The following FANCI variants were observed in gnomAD, a reference collection of about 807,000 sequenced individuals.
The protein encoded by FANCI is FA complementation group I.
Under a neutral mutation model 176.1 loss-of-function variants are expected in FANCI, and 156 were observed. That is an observed-to-expected ratio of 0.89 (90% CI 0.78 to 1.01). FANCI has a LOEUF of 1.01. Ranked by LOEUF, FANCI falls within the 50% of genes least tolerant of loss-of-function variation. The pLI is 0.00. For synonymous variants in FANCI, 613 were observed against 541.7 expected (o/e 1.13, Z -1.83); for missense variants, 1,678 against 1,534.1 (o/e 1.09, Z -1.57).
At chr15:89,256,701 C>A (rs1029694407) in intron 2 of FANCI, among the ~76,000 whole-genome samples, 1 of 152,082 alleles carries the variant, frequency 6.6e-6, no homozygotes, top group Non-Finnish European at 1.5e-5. Flanking sequence ...TTGGCACTTC[C>A]ACTTGGATAT....
At position 89,280,665 on chromosome 15, in the gene FANCI, G is replaced by A. The variant is rs182875734; in HGVS notation, c.1382-505G>A. On this transcript the variant is annotated intron_variant, in intron 14 of 37. Transcript: ENST00000310775. ...ATTTAAACTCTCCCTTTACCATTTG[G>A]TAGGCAATAAACTATGTTTGGAATT... Among the ~76,000 whole-genome samples the A allele has an allele frequency of 2.6e-3, 398 of 151,922 alleles. 1 individual carries two copies. Among genetic ancestry groups the A allele is most frequent in the Middle Eastern group, 6.8e-3 (2 of 294 alleles).
intron 18 of FANCI, among the ~76,000 whole-genome samples, chr15:89,287,396 T>C (rs1425737814): frequency 6.6e-6 from 1 of 152,232 alleles, no homozygotes; most frequent in Non-Finnish European, 1.5e-5. Flanking sequence ...TTGAAGAGTT[T>C]GGTCCTTGCT....
At chr15:89,300,438 C>A in intron 26 of FANCI, 53 bp downstream of exon 26, 1 of 1,517,150 alleles carries the variant, frequency 6.6e-7, no homozygotes, top group Non-Finnish European at 9.1e-7. Flanking sequence ...TGCAAAGGAA[C>A]TGTTAGCAGG....
At chr15:89,263,615 C>A (rs1001595559) in intron 7 of FANCI, among the ~76,000 whole-genome samples, 155 bp downstream of exon 7, 3 of 152,188 alleles carry the variant, frequency 2.0e-5, no homozygotes, top group African/African-American at 4.8e-5. Flanking sequence ...TCCCTCCTCA[C>A]TCCTGCCTCC....
At chr15:89,307,702 G>A in intron 34 of FANCI, 30 bp downstream of exon 34, 1 of 1,614,062 alleles carries the variant, frequency 6.2e-7, no homozygotes, top group Non-Finnish European at 8.5e-7. Flanking sequence ...TACCCAATAG[G>A]TCTTCAAGAA....
chr15:89,305,396 CCCCCACTGT>C lies in FANCI; in HGVS notation c.3244_3252del (p.Pro1082_Val1084del). On this transcript the variant is annotated inframe_deletion, in exon 30 of 38. Transcript: ENST00000310775. The stretch of plus-strand genomic sequence containing the variant: ...GCAATAGTGAATTTGAGAACGGCTG[CCCCCACTGT>C]CTGTGTAAGTGTTGTACCTGAGCCA... The C allele has an allele frequency of 6.2e-7, 1 of 1,613,274 alleles. No individual in the cohort carries two copies. Among genetic ancestry groups the C allele is most frequent in the Non-Finnish European group, 8.5e-7 (1 of 1,179,948 alleles).
At chr15:89,262,764 T>C (rs1418553253) in intron 6 of FANCI, among the ~76,000 whole-genome samples, 1 of 152,278 alleles carries the variant, frequency 6.6e-6, no homozygotes, top group Non-Finnish European at 1.5e-5. Context: ...CAACTGTCCA[T>C]GTCAGCATAT....
intron 24 of FANCI, among the ~76,000 whole-genome samples, chr15:89,295,924 C>G (rs1429539640): frequency 6.6e-6 from 1 of 152,054 alleles, no homozygotes. Flanking sequence ...CAGGTGCACA[C>G]CACCATGCCC....
intron 9 of FANCI, among the ~76,000 whole-genome samples, chr15:89,265,850 G>A (rs1049597106): frequency 1.3e-5 from 2 of 152,098 alleles, no homozygotes; most frequent in African/African-American, 4.8e-5. Flanking sequence ...GCAAACATTT[G>A]TAGGATGTTC....
At chr15:89,260,946 T>C in intron 4 of FANCI, 103 bp downstream of exon 4, 4 of 1,393,954 alleles carry the variant, frequency 2.9e-6, no homozygotes, top group Non-Finnish European at 3.0e-6. Context: ...ATAGTCCTTA[T>C]TTATGAGTAA....
At chr15:89,282,342 T>C (rs923621141) in intron 16 of FANCI, 2 of 168,946 alleles carry the variant, frequency 1.2e-5, no homozygotes, top group African/African-American at 2.4e-5. Flanking sequence ...TAGAGGCTAG[T>C]AGATCAAATT....
At chr15:89,292,095 G>A (rs1356602863) in intron 20 of FANCI, among the ~76,000 whole-genome samples, 1 of 152,200 alleles carries the variant, frequency 6.6e-6, no homozygotes, top group Non-Finnish European at 1.5e-5. Flanking sequence ...GGCTGAACTA[G>A]GATTGGCACT....
intron 17 of FANCI, 65 bp from the exon 18 acceptor site, chr15:89,285,031 C>T (rs1180904297): frequency 1.2e-5 from 20 of 1,609,550 alleles, no homozygotes; most frequent in East Asian, 2.2e-5. Flanking sequence ...AACATAGGCT[C>T]ATTTAGCTCC....
chr15:89,290,283 T>TA lies in FANCI; in HGVS notation c.1890+6dup. The TA allele has an allele frequency of 6.2e-7, 1 of 1,609,898 alleles. No individual in the cohort carries two copies. Among genetic ancestry groups the TA allele is most frequent in the Non-Finnish European group, 8.5e-7 (1 of 1,176,178 alleles). On this transcript the variant is annotated splice_region_variant and intron_variant, in intron 19 of 37. Coordinates refer to ENST00000310775, the MANE Select transcript of FANCI (RefSeq NM_001113378.2). Reference sequence around the variant, plus strand: ...GTCATGCAAACTCTGCTCTCACAGGTAAAATACATTTTTATGGATATATGG... The same window carrying TA: ...GTCATGCAAACTCTGCTCTCACAGGTAAAAATACATTTTTATGGATATATGG...
chr15:89,312,165 C>G (rs2054990135), intron 34 of FANCI, among the ~76,000 whole-genome samples: 1 of 152,208 alleles, frequency 6.6e-6, no homozygotes, highest in Non-Finnish European at 1.5e-5. Flanking sequence ...AGTGGGAAGA[C>G]TGCAGGGCCC....
intron 24 of FANCI, among the ~76,000 whole-genome samples, chr15:89,296,994 C>T (rs1260942096): frequency 1.4e-5 from 2 of 144,534 alleles, no homozygotes; most frequent in East Asian, 2.1e-4. Context: ...CCCTCCCGGA[C>T]GGGGCGGCTG....
At chr15:89,270,903 T>C (rs1475733513) in intron 10 of FANCI, among the ~76,000 whole-genome samples, 1 of 152,198 alleles carries the variant, frequency 6.6e-6, no homozygotes, top group African/African-American at 2.4e-5. Flanking sequence ...GGGTCCCTTC[T>C]GTAGGAAAGG....
At chr15:89,304,082 T>C (rs994379254) in intron 28 of FANCI, among the ~76,000 whole-genome samples, 167 bp downstream of exon 28, 1 of 152,210 alleles carries the variant, frequency 6.6e-6, no homozygotes, top group African/African-American at 2.4e-5. Context: ...TGTAGAGTAG[T>C]TGGACCTTTC....
intron 18 of FANCI, among the ~76,000 whole-genome samples, chr15:89,289,927 A>G (rs1026864854): frequency 2.0e-5 from 3 of 151,930 alleles, no homozygotes; most frequent in Non-Finnish European, 4.4e-5. Flanking sequence ...CTTGGCCTCA[A>G]GTGATCTGCC....
Sources: allele counts gnomAD v4.1 joint callset (sites outside exome capture counted in the v4.1 genomes callset), GRCh38; gene constraint gnomAD v4.1.1; transcripts MANE v1.5; gene names NCBI Gene and HGNC (gene_info 2026-07-23, HGNC 2026-07-21).